MBNL3: variants seen among roughly 807,000 people sequenced by gnomAD.
MBNL3 encodes muscleblind-like protein 3.
Under a neutral mutation model 24.5 loss-of-function variants are expected in MBNL3, and 6 were observed. The observed-to-expected ratio is 0.25, with a 90% confidence interval of 0.13 to 0.48. MBNL3 has a LOEUF of 0.48. Among genes scored for constraint, MBNL3 ranks in the 20% least tolerant of loss-of-function variants. The pLI, the probability that MBNL3 is intolerant of heterozygous loss-of-function variation, is 0.99. For synonymous variants in MBNL3, 100 were observed against 101.7 expected (o/e 0.98, Z 0.10); for missense variants, 230 against 293.5 (o/e 0.78, Z 1.58).
intron 1 of MBNL3, among the ~76,000 whole-genome samples, chrX:132,470,242 A>G (rs1947107139): frequency 8.9e-6 from 1 of 111,927 alleles, no homozygotes; most frequent in African/African-American, 3.2e-5. Flanking sequence ...GGCTCAATTT[A>G]TAGAAAAATG....
chrX:132,393,420 T>C (rs1937513703), intron 3 of MBNL3, among the ~76,000 whole-genome samples: 1 of 111,237 alleles, frequency 9.0e-6, no homozygotes, highest in South Asian at 3.8e-4. Flanking sequence ...CTGCTTTTTC[T>C]ATTTTCAAAG....
intron 2 of MBNL3, among the ~76,000 whole-genome samples, chrX:132,438,879 TAAGTTA>T (rs1945257575): frequency 9.2e-6 from 1 of 108,364 alleles, no homozygotes; most frequent in Non-Finnish European, 1.9e-5. Context: ...GCAATACGTT[TAAGTTA>T]AAGGTTCAAA....
rs187658238 is a variant in MBNL3 at position 132,474,628 on chromosome X, G to A, written c.-704+14223C>T. 1.6e-4 allele frequency among the ~76,000 whole-genome samples: 18 copies of A among 111,491 alleles called. No homozygotes were observed. In the East Asian group the frequency reaches 2.8e-3, roughly 17 times the overall value. On this transcript the variant is annotated intron_variant, in intron 1 of 8. Coordinates refer to ENST00000370853, the MANE Select transcript of MBNL3 (RefSeq NM_001386889.1). ...CTGTGCATATTAACAGAGATGTTGC[G>A]CAAGTAGGGCAGCCACTCAGAACAT... is the stretch of plus-strand genomic sequence containing the variant.
At chrX:132,396,558 A>ATATATTCC (rs1938736613) in intron 3 of MBNL3, among the ~76,000 whole-genome samples, 1 of 17,872 alleles carries the variant, frequency 5.6e-5, no homozygotes, top group African/African-American at 1.5e-4. Flanking sequence ...ATATATTCCT[A>ATATATTCC]TATATATTCC....
In MBNL3 at chrX:132,382,291, A is replaced by G. The variant is rs371649311; in HGVS notation, c.959-19T>C. 1.6e-4 allele frequency: 188 copies of G among 1,152,617 alleles called. No individual in the cohort carries two copies. The highest frequency in any genetic ancestry group is 8.5e-5 in the Non-Finnish European group (72 of 847,399). The allele number at this position is 1,152,617 out of a possible 1,213,427, so 95.0% of individuals were successfully genotyped here. On this transcript the variant is annotated intron_variant, in intron 7 of 8. Coordinates refer to ENST00000370853, the MANE Select transcript of MBNL3 (RefSeq NM_001386889.1). ...ATGGGCACTTTCAGTTGAAAACCATAGAAGCAACACACGGGAGGGTAGAGG... is the reference window on the plus strand; with the variant it reads ...ATGGGCACTTTCAGTTGAAAACCATGGAAGCAACACACGGGAGGGTAGAGG...
intron 7 of MBNL3, among the ~76,000 whole-genome samples, chrX:132,384,210 T>C (rs1334425779): frequency 8.0e-5 from 9 of 112,253 alleles, no homozygotes; most frequent in Non-Finnish European, 1.3e-4. Flanking sequence ...TTTGCTGAAC[T>C]CATCCTCTCG....
intron 1 of MBNL3, among the ~76,000 whole-genome samples, chrX:132,445,955 C>T (rs1945690904): frequency 9.0e-6 from 1 of 111,025 alleles, no homozygotes; most frequent in African/African-American, 3.3e-5. Context: ...AGCTCCCCAC[C>T]CTCCAACAGG....
intron 7 of MBNL3, 66 bp downstream of exon 7, chrX:132,384,597 T>C: frequency 1.0e-6 from 1 of 991,293 alleles, no homozygotes; most frequent in Non-Finnish European, 1.4e-6. Flanking sequence ...TCATCTTTCA[T>C]AGTCACAACA....
rs1933595145 is a variant in MBNL3, at chrX:132,371,333, G to A, written c.*8333C>T. ...GCAGTTTTCTATCAGCCCAACTCCA[G>A]AACAGTGGTCAATGCAGAGAAGTTC... On this transcript the variant is annotated 3_prime_UTR_variant, in exon 9 of 9. Coordinates refer to ENST00000370853, the MANE Select transcript of MBNL3 (RefSeq NM_001386889.1). 1 of 112,008 alleles carries A rather than the reference G, an allele frequency of 8.9e-6. No homozygotes were observed. Among genetic ancestry groups the A allele is most frequent in the Non-Finnish European group, 1.9e-5 (1 of 53,168 alleles). 9.2% of individuals were successfully genotyped at this position (112,008 alleles called of 1,213,427 possible). A position where few individuals can be genotyped will look rare whatever the true frequency, so the allele number is the denominator to read the frequency against.
intron 3 of MBNL3, among the ~76,000 whole-genome samples, chrX:132,393,460 A>G (rs1937517799): frequency 9.1e-6 from 1 of 109,586 alleles, no homozygotes; most frequent in African/African-American, 3.3e-5. Context: ...TAATATGTGT[A>G]TTTCCTTTAT....
At chrX:132,402,239 C>G (rs1177477020) in intron 3 of MBNL3, among the ~76,000 whole-genome samples, 1 of 112,162 alleles carries the variant, frequency 8.9e-6, no homozygotes, top group Non-Finnish European at 1.9e-5. Context: ...ATGTGAATCA[C>G]CACATTCAAA....
intron 1 of MBNL3, among the ~76,000 whole-genome samples, chrX:132,477,293 TGAG>T (rs1026227600): frequency 3.6e-5 from 4 of 112,152 alleles, no homozygotes; most frequent in African/African-American, 1.3e-4. Flanking sequence ...GTATTATATC[TGAG>T]GAGGGAGATA....
intron 1 of MBNL3, among the ~76,000 whole-genome samples, chrX:132,449,817 T>C (rs1409898049): frequency 9.0e-6 from 1 of 111,208 alleles, no homozygotes; most frequent in Non-Finnish European, 1.9e-5. Context: ...ATTTTAGTGC[T>C]TCCTTCAGGA....
At chrX:132,390,049 C>A (rs950353927) in intron 5 of MBNL3, among the ~76,000 whole-genome samples, 1 of 107,988 alleles carries the variant, frequency 9.3e-6, no homozygotes, top group Non-Finnish European at 1.9e-5. Flanking sequence ...AAAAATTAGC[C>A]AGAAGCAGTG....
intron 4 of MBNL3, 44 bp from the exon 5 acceptor site, chrX:132,391,127 C>T: frequency 2.0e-6 from 2 of 1,014,046 alleles, no homozygotes; most frequent in Non-Finnish European, 2.8e-6. Context: ...ACACTGATGA[C>T]TGGAAGCTGA....
chrX:132,410,991 A>C (rs1942646331), intron 2 of MBNL3, among the ~76,000 whole-genome samples: 1 of 112,505 alleles, frequency 8.9e-6, no homozygotes, highest in South Asian at 3.7e-4. Flanking sequence ...ATTGATATAG[A>C]TGCACAAAGA....
intron 1 of MBNL3, among the ~76,000 whole-genome samples, chrX:132,445,540 G>C (rs1434848211): frequency 1.8e-5 from 2 of 110,241 alleles, no homozygotes; most frequent in African/African-American, 6.6e-5. Context: ...AATACTCCTG[G>C]GATAGTAAAT....
intron 1 of MBNL3, among the ~76,000 whole-genome samples, chrX:132,450,364 T>G (rs1569455118): frequency 1.8e-5 from 2 of 111,370 alleles, no homozygotes; most frequent in Non-Finnish European, 3.8e-5. Context: ...GTTCGTTCCT[T>G]TTTATTCTTT....
chrX:132,400,810 C>T (rs1373258120), intron 3 of MBNL3, among the ~76,000 whole-genome samples: 1 of 111,806 alleles, frequency 8.9e-6, no homozygotes, highest in Non-Finnish European at 1.9e-5. Context: ...TGGTAGCACT[C>T]CAGGCACTTC....
Sources: allele counts gnomAD v4.1 joint callset (sites outside exome capture counted in the v4.1 genomes callset), GRCh38; gene constraint gnomAD v4.1.1; transcripts MANE v1.5; gene names NCBI Gene and HGNC (gene_info 2026-07-23, HGNC 2026-07-21).